SOX5: variants seen among roughly 807,000 people sequenced by gnomAD.
SOX5 encodes SRY-box transcription factor 5, also known as transcription factor SOX-5.
In SOX5, 9 loss-of-function variants were observed where a neutral mutation model predicts 92.0. The observed-to-expected ratio is 0.10, with a 90% confidence interval of 0.06 to 0.17. The LOEUF (loss-of-function observed/expected upper bound fraction) is 0.17, where lower values mean the gene tolerates loss of function less well. Among genes scored for constraint, SOX5 ranks in the 10% least tolerant of loss-of-function variants. The pLI, the probability that SOX5 is intolerant of heterozygous loss-of-function variation, is 1.00. For missense variants in SOX5, 642 were observed against 944.5 expected, an observed-to-expected ratio of 0.68 and a Z score of 4.20; for synonymous variants, 344 against 336.3, an observed-to-expected ratio of 1.02 and a Z score of -0.25.
At chr12:23,782,876 G>C (rs2095309367) in intron 3 of SOX5, among the ~76,000 whole-genome samples, 1 of 152,108 alleles carries the variant, frequency 6.6e-6, no homozygotes, top group African/African-American at 2.4e-5. Flanking sequence ...GAATTTTTGT[G>C]TGTGTGTGTG....
At chr12:24,278,018 C>T (rs1473329246) in intron 2 of SOX5, among the ~76,000 whole-genome samples, 1 of 152,086 alleles carries the variant, frequency 6.6e-6, no homozygotes, top group African/African-American at 2.4e-5. Context: ...AAAATCGGCC[C>T]TGACAATCTG....
At chr12:24,308,645 A>T (rs1948861089) in intron 2 of SOX5, among the ~76,000 whole-genome samples, 1 of 152,306 alleles carries the variant, frequency 6.6e-6, no homozygotes, top group East Asian at 1.9e-4. Flanking sequence ...CTAGCACATT[A>T]CCTGGCACTC....
At chr12:23,753,598 C>T (rs971317799) in intron 4 of SOX5, among the ~76,000 whole-genome samples, 4 of 151,674 alleles carry the variant, frequency 2.6e-5, no homozygotes, top group African/African-American at 7.3e-5. Flanking sequence ...TTATTGTTCC[C>T]TCCCTCAACT....
intron 4 of SOX5, among the ~76,000 whole-genome samples, chr12:24,055,247 T>C (rs1957981638): frequency 6.6e-6 from 1 of 152,142 alleles, no homozygotes; most frequent in South Asian, 2.1e-4. Context: ...TTCCAAAAAC[T>C]CCTTCAAGGA....
upstream of SOX5, chr12:23,950,963 C>T (rs1032268032): frequency 2.0e-5 from 21 of 1,062,286 alleles, no homozygotes; most frequent in Admixed American, 1.8e-4. Context: ...AGTGTGCATT[C>T]TTCACACACG....
At chr12:23,930,551 C>T (rs962443086) in intron 1 of SOX5, among the ~76,000 whole-genome samples, 2 of 151,680 alleles carry the variant, frequency 1.3e-5, no homozygotes, top group African/African-American at 4.8e-5. Flanking sequence ...GTTACCAGGA[C>T]TTAGTACATG....
intron 1 of SOX5, among the ~76,000 whole-genome samples, chr12:24,412,829 A>G (rs1964358666): frequency 7.2e-6 from 1 of 139,782 alleles, no homozygotes; most frequent in Non-Finnish European, 1.5e-5. Flanking sequence ...ATCTCGGCTC[A>G]CTGCGAGCTC....
At chr12:23,724,948 C>T (rs895157745) in intron 6 of SOX5, among the ~76,000 whole-genome samples, 1 of 152,172 alleles carries the variant, frequency 6.6e-6, no homozygotes, top group Non-Finnish European at 1.5e-5. Flanking sequence ...TAGGAGCTTA[C>T]TGCAGTAGTC....
At chr12:23,695,783 T>C (rs1179867529) in intron 6 of SOX5, among the ~76,000 whole-genome samples, 1 of 150,282 alleles carries the variant, frequency 6.7e-6, no homozygotes, top group Non-Finnish European at 1.5e-5. Context: ...CTACTAAAAA[T>C]ACAAAAAATT....
chr12:24,079,342 G>C (rs1284186716), intron 4 of SOX5, among the ~76,000 whole-genome samples: 3 of 151,874 alleles, frequency 2.0e-5, no homozygotes, highest in Non-Finnish European at 2.9e-5. Context: ...CCATCTAACT[G>C]TTAACCCATA....
intron 2 of SOX5, among the ~76,000 whole-genome samples, chr12:24,348,319 G>C (rs1422049254): frequency 6.6e-6 from 1 of 151,890 alleles, no homozygotes; most frequent in South Asian, 2.1e-4. Flanking sequence ...CGCCTACCTT[G>C]CTTCAAGCTC....
chr12:24,298,805 A>ATTT, intron 2 of SOX5, among the ~76,000 whole-genome samples: 1 of 121,054 alleles, frequency 8.3e-6, no homozygotes, highest in East Asian at 2.1e-4. Context: ...AAAAAACTAC[A>ATTT]TTTTTTTAAC....
chr12:23,906,637 C>T (rs2097296478), intron 1 of SOX5, among the ~76,000 whole-genome samples: 3 of 152,176 alleles, frequency 2.0e-5, no homozygotes, highest in Non-Finnish European at 4.4e-5. Context: ...ATTCCTGGGA[C>T]AGACACAGGA....
At chr12:23,979,453 A>C (rs1949268183) in intron 4 of SOX5, among the ~76,000 whole-genome samples, 1 of 151,942 alleles carries the variant, frequency 6.6e-6, no homozygotes, top group African/African-American at 2.4e-5. Flanking sequence ...TGAACTCCTG[A>C]CATCAGGTGA....
Position 24,214,342 on chromosome 12 carries a change from T to C in SOX5, c.-76-925A>G, listed in dbSNP as rs188961787. Among the ~76,000 whole-genome samples, 33 of 152,286 alleles carry C rather than the reference T, an allele frequency of 2.2e-4. No individual in the cohort carries two copies. The East Asian group carries it at 6.2e-3, about 28-fold the overall frequency. On this transcript the variant is annotated intron_variant, in intron 3 of 4. Transcript: ENST00000446891. ...TTCTGGGAATGTTTTTGCAAATTTA[T>C]CTAACCTCTTGGAGGCTTATTTTCC...
intron 1 of SOX5, among the ~76,000 whole-genome samples, chr12:24,477,653 G>C (rs1425564063): frequency 1.3e-5 from 2 of 152,084 alleles, no homozygotes; most frequent in Non-Finnish European, 2.9e-5. Context: ...TTTAAGGAAA[G>C]AGACAAATCC....
intron 3 of SOX5, among the ~76,000 whole-genome samples, chr12:24,266,504 T>C (rs1341174676): frequency 1.3e-5 from 2 of 152,196 alleles, no homozygotes; most frequent in Non-Finnish European, 2.9e-5. Context: ...TTGGTTACTG[T>C]GGCATTTTTA....
chr12:24,055,958 GC>G (rs1355636961), intron 4 of SOX5, among the ~76,000 whole-genome samples: 1 of 152,090 alleles, frequency 6.6e-6, no homozygotes, highest in Non-Finnish European at 1.5e-5. Context: ...GGGAAATAGA[GC>G]CCACAGCACT....
intron 3 of SOX5, among the ~76,000 whole-genome samples, chr12:24,255,486 C>T (rs1216191141): frequency 1.3e-5 from 2 of 152,062 alleles, no homozygotes; most frequent in Non-Finnish European, 2.9e-5. Context: ...CAAAACAGTA[C>T]TTTGAGGGTG....
Sources: allele counts gnomAD v4.1 joint callset (sites outside exome capture counted in the v4.1 genomes callset), GRCh38; gene constraint gnomAD v4.1.1; transcripts MANE v1.5; gene names NCBI Gene and HGNC (gene_info 2026-07-23, HGNC 2026-07-21).